SLC35F3: variants seen among roughly 807,000 people sequenced by gnomAD.
SLC35F3 encodes putative thiamine transporter SLC35F3.
SLC35F3 carries 25 observed loss-of-function variants against 49.9 expected under a neutral mutation model. That is an observed-to-expected ratio of 0.50 (90% CI 0.37 to 0.70). The LOEUF (loss-of-function observed/expected upper bound fraction) is 0.70, where lower values mean the gene tolerates loss of function less well. SLC35F3 is among the 30% of genes least tolerant of loss of function. The pLI, the probability that SLC35F3 is intolerant of heterozygous loss-of-function variation, is 0.00. For synonymous variants in SLC35F3, 275 were observed against 265.4 expected (o/e 1.04, Z -0.35); for missense variants, 525 against 639.8 (o/e 0.82, Z 1.94).
At position 234,320,316 on chromosome 1, in the gene SLC35F3, A is replaced by T. The variant is rs1195578573; in HGVS notation, c.1237+129A>T. 1.4e-5 allele frequency: 7 copies of T among 482,832 alleles called. No individual in the cohort carries two copies. In the East Asian group the frequency reaches 2.7e-4, roughly 19 times the overall value. 29.9% of individuals were successfully genotyped at this position (482,832 alleles called of 1,614,324 possible). A position where few individuals can be genotyped will look rare whatever the true frequency, so the allele number is the denominator to read the frequency against. ...CACTCACATACACACACTCATGCAT[A>T]CACACACACACACATACTCTCACAT... is the stretch of plus-strand genomic sequence containing the variant. On this transcript the variant is annotated intron_variant, in intron 7 of 7. Coordinates refer to ENST00000366618, the MANE Select transcript of SLC35F3 (RefSeq NM_173508.4). The surrounding 1 kb of genome is among the most constrained non-coding windows in gnomAD (Gnocchi z 4.8).
chr1:234,132,967 C>G (rs961344405), intron 2 of SLC35F3, among the ~76,000 whole-genome samples: 1 of 152,158 alleles, frequency 6.6e-6, no homozygotes, highest in Non-Finnish European at 1.5e-5. Flanking sequence ...ACTCATAATA[C>G]CTTGATGAGG....
rs541777877 is a variant in SLC35F3 at position 234,191,346 on chromosome 1, T to C, written c.284-40071T>C. Among the ~76,000 whole-genome samples the C allele has an allele frequency of 1.1e-4, 16 of 152,244 alleles. No individual in the cohort carries two copies. In the South Asian group the frequency reaches 2.9e-3, roughly 28 times the overall value. Reference sequence around the variant, plus strand: ...AATTAAATAACCTGCTCCTGAATGATCACTGGGTCAAAAATAAAATCAACA... The same window carrying C: ...AATTAAATAACCTGCTCCTGAATGACCACTGGGTCAAAAATAAAATCAACA... On this transcript the variant is annotated intron_variant, in intron 2 of 7. Coordinates refer to ENST00000366618, the MANE Select transcript of SLC35F3 (RefSeq NM_173508.4).
intron 2 of SLC35F3, among the ~76,000 whole-genome samples, chr1:234,230,880 C>T (rs1667356526): frequency 5.9e-5 from 9 of 152,224 alleles, no homozygotes; most frequent in Admixed American, 5.9e-4. Context: ...TCTTGGCCAA[C>T]TGTGCCTTTA....
chr1:233,959,412 C>G lies in SLC35F3; in HGVS notation c.283+53654C>G, dbSNP rs184259680. On this transcript the variant is annotated intron_variant, in intron 2 of 7. Coordinates refer to ENST00000366618, the MANE Select transcript of SLC35F3 (RefSeq NM_173508.4). ...ATAATGGAAATCTCTCCCCAATGGC[C>G]TTTTCATTTCCTCCAAGCCCAGGGG... Among the ~76,000 whole-genome samples the G allele has an allele frequency of 1.6e-3, 239 of 152,282 alleles. 2 individuals carry two copies. The highest frequency in any genetic ancestry group is 5.3e-3 in the African/African-American group (222 of 41,562).
At chr1:234,286,782 A>G (rs1403671893) in intron 3 of SLC35F3, among the ~76,000 whole-genome samples, 1 of 152,260 alleles carries the variant, frequency 6.6e-6, no homozygotes, top group African/African-American at 2.4e-5. Flanking sequence ...AAAATAAAAC[A>G]GGATAAAAGG....
chr1:234,225,316 T>C (rs943871690), intron 2 of SLC35F3, among the ~76,000 whole-genome samples: 1 of 150,942 alleles, frequency 6.6e-6, no homozygotes, highest in Non-Finnish European at 1.5e-5. Flanking sequence ...CAAATGGCCA[T>C]AAACAAAAGC....
At chr1:234,272,831 C>T (rs2102975811) in intron 3 of SLC35F3, among the ~76,000 whole-genome samples, 1 of 152,208 alleles carries the variant, frequency 6.6e-6, no homozygotes, top group South Asian at 2.1e-4. Flanking sequence ...GTTTGTTGTT[C>T]TCTTGCCTGG....
chr1:233,983,328 A>G (rs142700557), intron 2 of SLC35F3, among the ~76,000 whole-genome samples: 21 of 152,328 alleles, frequency 1.4e-4, no homozygotes, highest in African/African-American at 5.1e-4. Context: ...CGAGCTCGGG[A>G]ACAAGTACCT....
chr1:234,146,215 C>T (rs1021921956), intron 2 of SLC35F3, among the ~76,000 whole-genome samples: 10 of 151,830 alleles, frequency 6.6e-5, no homozygotes, highest in South Asian at 4.2e-4. Flanking sequence ...CATAAATTTT[C>T]TTCATGTTCT....
At chr1:234,322,971 C>T in intron 7 of SLC35F3, 37 bp from the exon 8 acceptor site, 3 of 1,589,310 alleles carry the variant, frequency 1.9e-6, no homozygotes, top group Non-Finnish European at 2.6e-6. Flanking sequence ...GCCCCCAACC[C>T]TGCAGCTGAG....
At chr1:233,974,199 T>G (rs1663039116) in intron 2 of SLC35F3, among the ~76,000 whole-genome samples, 1 of 144,218 alleles carries the variant, frequency 6.9e-6, no homozygotes, top group Non-Finnish European at 1.5e-5. Flanking sequence ...TTTTTTTTTT[T>G]TTGAGATGGA....
At chr1:234,315,353 T>G (rs1657462829) in intron 4 of SLC35F3, among the ~76,000 whole-genome samples, 1 of 152,252 alleles carries the variant, frequency 6.6e-6, no homozygotes, top group Non-Finnish European at 1.5e-5. Flanking sequence ...TTTTAACTAC[T>G]AAGGCAACCT....
At chr1:234,240,830 G>T (rs548885816) in intron 3 of SLC35F3, among the ~76,000 whole-genome samples, 3 of 152,298 alleles carry the variant, frequency 2.0e-5, no homozygotes, top group East Asian at 3.9e-4. Context: ...CCCTGTCATT[G>T]TTTTAGGCTG....
chr1:234,146,924 G>A (rs6659988), intron 2 of SLC35F3, among the ~76,000 whole-genome samples: 10,395 of 152,198 alleles, frequency 0.068, 586 homozygotes, highest in African/African-American at 0.14. Context: ...CTGAGATCTT[G>A]TGGATGAGAG....
chr1:234,187,453 C>A (rs118035309), intron 2 of SLC35F3, among the ~76,000 whole-genome samples: 1 of 152,238 alleles, frequency 6.6e-6, no homozygotes, highest in South Asian at 2.1e-4. Context: ...AGCAGCATGT[C>A]GGGAGTCACA....
intron 2 of SLC35F3, among the ~76,000 whole-genome samples, chr1:234,209,664 A>G (rs1367334059): frequency 6.6e-6 from 1 of 152,268 alleles, no homozygotes; most frequent in East Asian, 1.9e-4. Flanking sequence ...CAGAGCACAT[A>G]GGACTGATGG....
At chr1:233,933,244 G>T (rs1488914960) in intron 2 of SLC35F3, among the ~76,000 whole-genome samples, 2 of 152,054 alleles carry the variant, frequency 1.3e-5, no homozygotes, top group African/African-American at 4.8e-5. Context: ...CTTGAACAAA[G>T]GTTTGAGGGG....
intron 2 of SLC35F3, among the ~76,000 whole-genome samples, chr1:234,096,977 C>T (rs1217929591): frequency 1.3e-5 from 2 of 151,764 alleles, no homozygotes; most frequent in African/African-American, 4.8e-5. Context: ...ACAACTTCCA[C>T]CTCCTGGGTT....
intron 3 of SLC35F3, among the ~76,000 whole-genome samples, chr1:234,297,215 G>A (rs1668611595): frequency 6.6e-6 from 1 of 152,130 alleles, no homozygotes; most frequent in Admixed American, 6.5e-5. Flanking sequence ...ATGAAAATGG[G>A]TACAGCCACC....
Sources: gnomAD v4.1 joint callset for allele counts (sites outside exome capture counted in the v4.1 genomes callset) on GRCh38, gnomAD v4.1.1 for gene constraint, Gnocchi (gnomAD v3.1) non-coding constraint, MANE v1.5 for transcripts, NCBI Gene and HGNC (gene_info 2026-07-23, HGNC 2026-07-21) for gene names.